Variants in PCDH11X observed in about 807,000 individuals in gnomAD.
The protein encoded by PCDH11X is protocadherin 11 X-linked.
A neutral mutation model predicts 53.3 loss-of-function variants in PCDH11X; 18 were observed. The ratio of observed to expected loss-of-function variants is 0.34; its 90% confidence interval spans 0.23 to 0.50. PCDH11X has a LOEUF of 0.50. PCDH11X is among the 20% of genes least tolerant of loss of function. The probability of loss-of-function intolerance (pLI) is 0.98; values close to 1 mark genes in which losing one functional copy is unlikely to be tolerated. For synonymous variants in PCDH11X, 279 were observed against 393.3 expected (o/e 0.71, Z 3.44); for missense variants, 570 against 1,032.4 (o/e 0.55, Z 6.14).
intron 8 of PCDH11X, among the ~76,000 whole-genome samples, chrX:92,271,733 T>C (rs1408732387): frequency 2.7e-5 from 3 of 112,454 alleles, no homozygotes; most frequent in Non-Finnish European, 3.7e-5. Flanking sequence ...TGGAATATCC[T>C]GAACCTCATC....
At chrX:92,301,024 ATG>A (rs2068710285) in intron 8 of PCDH11X, among the ~76,000 whole-genome samples, 2 of 110,583 alleles carry the variant, frequency 1.8e-5, no homozygotes, top group Admixed American at 9.6e-5. Context: ...CTACTTGCCT[ATG>A]TGTGTGCCAG....
At chrX:92,024,718 C>CAAAAAAAAAAAAAAAAA (rs199917287) in intron 6 of PCDH11X, among the ~76,000 whole-genome samples, 18 of 54,670 alleles carry the variant, frequency 3.3e-4, no homozygotes, top group Non-Finnish European at 6.3e-4. Flanking sequence ...CAATCCTAAG[C>CAAAAAAAAAAAAAAAAA]AAAAAAAAAA....
chrX:92,300,501 G>A (rs947433385), intron 8 of PCDH11X, among the ~76,000 whole-genome samples: 10 of 110,160 alleles, frequency 9.1e-5, no homozygotes, highest in South Asian at 7.8e-4. Context: ...TTTGTTTTTC[G>A]GAGTCTTGCA....
intron 8 of PCDH11X, among the ~76,000 whole-genome samples, chrX:92,319,164 G>A (rs1227635230): frequency 9.0e-6 from 1 of 111,308 alleles, no homozygotes; most frequent in Non-Finnish European, 1.9e-5. Flanking sequence ...ATAACCACCT[G>A]GATTTTCTTT....
intron 7 of PCDH11X, among the ~76,000 whole-genome samples, chrX:92,222,169 A>G (rs1408272685): frequency 1.8e-5 from 2 of 110,589 alleles, no homozygotes; most frequent in Admixed American, 9.7e-5. Context: ...GGATTATACA[A>G]TGGCAGGGAG....
intron 6 of PCDH11X, among the ~76,000 whole-genome samples, chrX:92,196,532 T>C (rs1384216076): frequency 9.0e-6 from 1 of 111,689 alleles, no homozygotes; most frequent in Non-Finnish European, 1.9e-5. Context: ...GTAAAAATAA[T>C]TAATGTCTGC....
At chrX:91,989,255 AG>A (rs748184110) in intron 6 of PCDH11X, among the ~76,000 whole-genome samples, 22 of 111,196 alleles carry the variant, frequency 2.0e-4, no homozygotes, top group Non-Finnish European at 4.0e-4. Flanking sequence ...AAAAAAAAAA[AG>A]AAAAGAGAAA....
At chrX:91,902,869 A>ATT (rs751340267) in intron 6 of PCDH11X, among the ~76,000 whole-genome samples, 4 of 107,490 alleles carry the variant, frequency 3.7e-5, no homozygotes, top group African/African-American at 1.3e-4. Flanking sequence ...GTTCAACAAC[A>ATT]TTTTTTTTTC....
In PCDH11X at chrX:91,879,138, G is replaced by A. The variant is rs1172003086; in HGVS notation, c.2898G>A (p.Leu966=). The change falls in exon 6 of 11, where the codon CTG becomes CTA. Residue 966 remains leucine (L), a synonymous_variant. Coordinates refer to ENST00000682573, the MANE Select transcript of PCDH11X (RefSeq NM_032968.5). The stretch of plus-strand genomic sequence containing the variant: ...CGAAGCACCACATCATCCAAGAACT[G>A]CCTCTCGATAACACCTTTGTGGCCT... ...LNSKHHIIQE[L]PLDNTFVACD... is the part of the protein sequence containing the mutation. 2.5e-6 allele frequency: 3 copies of A among 1,209,105 alleles called. No individual in the cohort carries two copies. Among genetic ancestry groups the A allele is most frequent in the Non-Finnish European group, 3.4e-6 (3 of 895,075 alleles).
At chrX:92,170,489 T>C (rs2065805219) in intron 6 of PCDH11X, among the ~76,000 whole-genome samples, 2 of 110,846 alleles carry the variant, frequency 1.8e-5, no homozygotes, top group Non-Finnish European at 1.9e-5. Flanking sequence ...TCACAAACCT[T>C]GTTCCAGGTA....
At chrX:92,499,882 A>T (rs1004685628) in intron 10 of PCDH11X, among the ~76,000 whole-genome samples, 3 of 107,641 alleles carry the variant, frequency 2.8e-5, no homozygotes, top group Non-Finnish European at 5.8e-5. Context: ...GAAAGAAAGA[A>T]AGAGAGAGAC....
intron 1 of PCDH11X, among the ~76,000 whole-genome samples, chrX:91,793,337 G>T (rs1935622304): frequency 9.3e-6 from 1 of 107,734 alleles, no homozygotes; most frequent in African/African-American, 3.4e-5. Context: ...ATATAATTAA[G>T]GATATATATT....
chrX:92,604,460 C>T (rs964271413), intron 10 of PCDH11X, among the ~76,000 whole-genome samples: 1 of 110,335 alleles, frequency 9.1e-6, no homozygotes. Flanking sequence ...TATACATACC[C>T]GCACATGTAT....
At chrX:92,313,984 TTTA>T (rs1451388602) in intron 8 of PCDH11X, among the ~76,000 whole-genome samples, 3 of 111,502 alleles carry the variant, frequency 2.7e-5, no homozygotes, top group Non-Finnish European at 5.7e-5. Context: ...TACTGTAGAC[TTTA>T]TCAACACTGT....
intron 10 of PCDH11X, among the ~76,000 whole-genome samples, chrX:92,570,015 C>CA (rs766388753): frequency 0.31 from 9,440 of 30,370 alleles, 1,222 homozygotes; most frequent in Non-Finnish European, 0.4. Context: ...GACTCAGTCT[C>CA]AAAAAAAAAA....
intron 8 of PCDH11X, among the ~76,000 whole-genome samples, chrX:92,271,005 G>A (rs1012378978): frequency 4.5e-5 from 5 of 111,626 alleles, no homozygotes; most frequent in Non-Finnish European, 7.5e-5. Context: ...TAACTACCGC[G>A]ATTCTCTGAA....
intron 8 of PCDH11X, among the ~76,000 whole-genome samples, chrX:92,321,184 G>GTTT (rs199672875): frequency 1.6e-4 from 14 of 84,871 alleles, no homozygotes; most frequent in East Asian, 1.0e-3. Context: ...TGAACTGTAA[G>GTTT]TTTTTTTTTG....
At chrX:92,050,269 T>G (rs1162554222) in intron 6 of PCDH11X, among the ~76,000 whole-genome samples, 2 of 104,427 alleles carry the variant, frequency 1.9e-5, no homozygotes, top group African/African-American at 7.4e-5. Flanking sequence ...GCATTCATAC[T>G]TCAAGAAAAA....
chrX:92,288,849 A>G (rs1476594976), intron 8 of PCDH11X, among the ~76,000 whole-genome samples: 7 of 109,126 alleles, frequency 6.4e-5, no homozygotes, highest in Non-Finnish European at 1.3e-4. Context: ...TGTTTCATGG[A>G]AATGAATATA....
Sources: allele counts gnomAD v4.1 joint callset (sites outside exome capture counted in the v4.1 genomes callset), GRCh38; gene constraint gnomAD v4.1.1; transcripts MANE v1.5; gene names NCBI Gene and HGNC (gene_info 2026-07-23, HGNC 2026-07-21).